The following PBX3 variants were observed in gnomAD, a reference collection of about 807,000 sequenced individuals.
PBX3 encodes pre-B-cell leukemia transcription factor 3.
Under a neutral mutation model 48.5 loss-of-function variants are expected in PBX3, and 14 were observed. The ratio of observed to expected loss-of-function variants is 0.29; its 90% confidence interval spans 0.19 to 0.45. PBX3 has a LOEUF of 0.45. PBX3 is among the 20% of genes least tolerant of loss of function. PBX3 has a pLI of 1.00. For missense variants in PBX3, 386 were observed against 546.7 expected (o/e 0.71, Z 2.93); for synonymous variants, 210 against 200.3 (o/e 1.05, Z -0.41).
intron 2 of PBX3, among the ~76,000 whole-genome samples, chr9:125,792,772 C>T (rs1837648836): frequency 1.3e-5 from 2 of 148,254 alleles, no homozygotes; most frequent in Admixed American, 6.8e-5. Context: ...AATCTCTGCT[C>T]ACTGCAACCT....
chr9:125,834,000 G>A (rs1187610748), intron 2 of PBX3, among the ~76,000 whole-genome samples: 2 of 152,190 alleles, frequency 1.3e-5, no homozygotes, highest in Non-Finnish European at 2.9e-5. Context: ...ACTTTAAACA[G>A]TATCATTAAT....
chr9:125,887,218 T>G, intron 2 of PBX3, among the ~76,000 whole-genome samples: 1 of 152,186 alleles, frequency 6.6e-6, no homozygotes. Context: ...GTGGCAATTC[T>G]TATAAACAGT....
At chr9:125,751,000 C>T (rs917714864) in intron 2 of PBX3, among the ~76,000 whole-genome samples, 1 of 152,172 alleles carries the variant, frequency 6.6e-6, no homozygotes, top group Non-Finnish European at 1.5e-5. Context: ...AGCGGGGCTG[C>T]AAATTCCAAG....
intron 2 of PBX3, among the ~76,000 whole-genome samples, chr9:125,766,702 A>G (rs543695746): frequency 1.4e-4 from 21 of 152,250 alleles, no homozygotes; most frequent in African/African-American, 5.1e-4. Flanking sequence ...TTCTGTCTTA[A>G]TGATTGATTT....
intron 5 of PBX3, among the ~76,000 whole-genome samples, chr9:125,946,453 A>C (rs534158491): frequency 6.6e-6 from 1 of 152,338 alleles, no homozygotes; most frequent in South Asian, 2.1e-4. Flanking sequence ...AAGGAATCTG[A>C]TATGGACTAT....
chr9:125,908,528 T>G (rs1380046731), intron 2 of PBX3, among the ~76,000 whole-genome samples: 1 of 151,644 alleles, frequency 6.6e-6, no homozygotes, highest in East Asian at 1.9e-4. Context: ...AGAGGAGTCA[T>G]TGGTTTCTAT....
intron 2 of PBX3, among the ~76,000 whole-genome samples, chr9:125,810,113 T>C (rs1838243366): frequency 6.6e-6 from 1 of 152,166 alleles, no homozygotes; most frequent in Non-Finnish European, 1.5e-5. Flanking sequence ...ATATACAAAG[T>C]GCACACATCT....
intron 2 of PBX3, among the ~76,000 whole-genome samples, chr9:125,818,758 G>A (rs1274036022): frequency 6.6e-6 from 1 of 152,220 alleles, no homozygotes; most frequent in African/African-American, 2.4e-5. Context: ...TTCCCAAAGT[G>A]TTAGGATTAC....
chr9:125,900,568 A>G (rs1259257458), intron 2 of PBX3, among the ~76,000 whole-genome samples: 2 of 151,776 alleles, frequency 1.3e-5, no homozygotes, highest in African/African-American at 4.8e-5. Flanking sequence ...AGATGACCCT[A>G]GGATAAACTG....
chr9:125,932,801 G>T (rs977906827), intron 4 of PBX3, among the ~76,000 whole-genome samples: 14 of 152,130 alleles, frequency 9.2e-5, no homozygotes, highest in African/African-American at 3.4e-4. Context: ...ACACCTAAAT[G>T]ATTTATTTTT....
intron 2 of PBX3, among the ~76,000 whole-genome samples, chr9:125,811,148 G>A (rs1838278335): frequency 6.6e-6 from 1 of 152,170 alleles, no homozygotes; most frequent in Non-Finnish European, 1.5e-5. Context: ...AGGAAGGCCT[G>A]TCCAATAGCT....
intron 2 of PBX3, among the ~76,000 whole-genome samples, chr9:125,887,719 T>A (rs1340828345): frequency 6.6e-6 from 1 of 152,182 alleles, no homozygotes; most frequent in Non-Finnish European, 1.5e-5. Context: ...AAAATTGATA[T>A]ACATGAGATT....
At chr9:125,774,936 A>G (rs1404421387) in intron 2 of PBX3, among the ~76,000 whole-genome samples, 1 of 151,836 alleles carries the variant, frequency 6.6e-6, no homozygotes, top group East Asian at 1.9e-4. Flanking sequence ...TAGTGGCGCA[A>G]CCTTACTGCA....
At chr9:125,959,351 T>C (rs1842376913) in intron 5 of PBX3, among the ~76,000 whole-genome samples, 1 of 152,262 alleles carries the variant, frequency 6.6e-6, no homozygotes, top group Admixed American at 6.5e-5. Context: ...TGCTCATGGT[T>C]GCTGCATGGG....
At chr9:125,802,005 G>T (rs371409126) in intron 2 of PBX3, among the ~76,000 whole-genome samples, 23 of 152,184 alleles carry the variant, frequency 1.5e-4, no homozygotes, top group African/African-American at 5.1e-4. Context: ...TTGAGCCTGG[G>T]TGAGTCCTGA....
chr9:125,799,391 A>G (rs1461021952), intron 2 of PBX3, among the ~76,000 whole-genome samples: 1 of 152,098 alleles, frequency 6.6e-6, no homozygotes, highest in Non-Finnish European at 1.5e-5. Context: ...CTGTAGTCCC[A>G]GCTACTCCGG....
intron 5 of PBX3, among the ~76,000 whole-genome samples, chr9:125,957,137 T>C (rs1842327167): frequency 6.6e-6 from 1 of 152,266 alleles, no homozygotes; most frequent in African/African-American, 2.4e-5. Context: ...TATCAGAATG[T>C]GATGTGCATA....
chr9:125,798,084 G>T (rs1172528958), intron 2 of PBX3, among the ~76,000 whole-genome samples: 1 of 151,990 alleles, frequency 6.6e-6, no homozygotes, highest in African/African-American at 2.4e-5. Context: ...GCAAACATAC[G>T]TTTCTGTATA....
chr9:125,823,191 C>G (rs1838705982), intron 2 of PBX3, among the ~76,000 whole-genome samples: 1 of 152,130 alleles, frequency 6.6e-6, no homozygotes, highest in South Asian at 2.1e-4. Flanking sequence ...TTCTCTGGTT[C>G]CCTCTGCAAA....
Sources: gnomAD v4.1 joint callset for allele counts (sites outside exome capture counted in the v4.1 genomes callset) on GRCh38, gnomAD v4.1.1 for gene constraint, MANE v1.5 for transcripts, NCBI Gene and HGNC (gene_info 2026-07-23, HGNC 2026-07-21) for gene names.